The following TCF7L2 variants were observed in gnomAD, a reference collection of about 807,000 sequenced individuals.
The protein encoded by TCF7L2 is transcription factor 7 like 2, also known as transcription factor 7-like 2.
In TCF7L2, 23 loss-of-function variants were observed where a neutral mutation model predicts 77.9. The ratio of observed to expected loss-of-function variants is 0.30; its 90% CI spans 0.21 to 0.42. The LOEUF (loss-of-function observed/expected upper bound fraction) is 0.42. Among genes scored for constraint, TCF7L2 ranks in the 10% least tolerant of loss-of-function variants. TCF7L2 has a pLI of 1.00. For missense variants in TCF7L2, 654 were observed against 793.1 expected (o/e 0.82, Z 2.11); for synonymous variants, 413 against 340.2 (o/e 1.21, Z -2.36).
chr10:113,046,414 G>T (rs2053468958), intron 5 of TCF7L2, among the ~76,000 whole-genome samples: 1 of 152,224 alleles, frequency 6.6e-6, no homozygotes, highest in African/African-American at 2.4e-5. Flanking sequence ...CCTGGTGGTA[G>T]ACTGTTTCTT....
At chr10:112,961,106 C>T (rs914847458) in intron 3 of TCF7L2, among the ~76,000 whole-genome samples, 2 of 152,068 alleles carry the variant, frequency 1.3e-5, no homozygotes, top group African/African-American at 4.8e-5. Flanking sequence ...CTCCCCCTCC[C>T]GGGTTCAAGC....
chr10:113,165,664 G>A lies in TCF7L2; in HGVS notation c.1501G>A (p.Gly501Ser). Residue 501 changes from glycine to serine, a missense_variant, in exon 14 of 14, where the codon GGC becomes AGC. Transcript: ENST00000627217. ...GCCTCCCCCCTCCCCGAACCTGCTAGGCTCCCCTCCCCGAGACGCCAAGTC... is the reference window on the plus strand; with the variant it reads ...GCCTCCCCCCTCCCCGAACCTGCTAAGCTCCCCTCCCCGAGACGCCAAGTC... 6.2e-7 allele frequency: 1 copy of A among 1,608,266 alleles called. No homozygotes were observed. The highest frequency in any genetic ancestry group is 1.1e-5 in the South Asian group (1 of 90,474).
At chr10:112,972,983 A>C (rs1023275683) in intron 4 of TCF7L2, among the ~76,000 whole-genome samples, 3 of 152,218 alleles carry the variant, frequency 2.0e-5, no homozygotes, top group African/African-American at 4.8e-5. Flanking sequence ...TGCTCAAAGT[A>C]ATGCTCACAG....
chr10:113,031,879 A>G (rs1406260827), intron 4 of TCF7L2, among the ~76,000 whole-genome samples: 2 of 152,200 alleles, frequency 1.3e-5, no homozygotes, highest in Admixed American at 6.5e-5. Flanking sequence ...GGGCCTCAGA[A>G]TATCTAGTCC....
intron 5 of TCF7L2, among the ~76,000 whole-genome samples, chr10:113,084,669 C>A (rs529533670): frequency 6.6e-6 from 1 of 152,062 alleles, no homozygotes; most frequent in Non-Finnish European, 1.5e-5. Flanking sequence ...CCGAGGTGGG[C>A]GGATCACTTG....
chr10:113,101,678 T>TA (rs2061650178), intron 5 of TCF7L2, among the ~76,000 whole-genome samples: 2 of 149,180 alleles, frequency 1.3e-5, no homozygotes, highest in Non-Finnish European at 3.0e-5. Context: ...CTGTCTCTAC[T>TA]AAAAAATACA....
chr10:113,044,442 G>A (rs969189494), intron 5 of TCF7L2, among the ~76,000 whole-genome samples: 4 of 152,146 alleles, frequency 2.6e-5, no homozygotes, highest in Non-Finnish European at 5.9e-5. Context: ...GCGCTGTTTC[G>A]ATGGGATGTT....
In TCF7L2 at chr10:113,040,119, A is replaced by G. The variant is rs1178281221; in HGVS notation, c.545A>G (p.His182Arg). ...GATGCCCGGTCCCCATCACCGGCAC[A>G]CATTGTCGTAAGTAACCTCCCAGAG... Residue 182 changes from histidine to arginine, a missense_variant, in exon 5 of 14, where the codon CAC (histidine) becomes CGC (arginine). Coordinates refer to ENST00000627217, the MANE Select transcript of TCF7L2 (RefSeq NM_001146274.2). The G allele has an allele frequency of 6.2e-7, 1 of 1,613,800 alleles. No homozygotes were observed. The highest frequency in any genetic ancestry group is 8.5e-7 in the Non-Finnish European group (1 of 1,179,806).
intron 8 of TCF7L2, among the ~76,000 whole-genome samples, chr10:113,149,769 G>A (rs982234781): frequency 5.3e-5 from 8 of 151,050 alleles, no homozygotes; most frequent in Non-Finnish European, 1.0e-4. Flanking sequence ...GACTTATTAA[G>A]AAAGCAACAG....
intron 4 of TCF7L2, among the ~76,000 whole-genome samples, chr10:113,019,326 A>C (rs1198207740): frequency 6.6e-6 from 1 of 152,234 alleles, no homozygotes; most frequent in East Asian, 1.9e-4. Context: ...ACAGTAATAA[A>C]GGCAGTGACA....
chr10:113,011,917 G>A (rs1055636124), intron 4 of TCF7L2, among the ~76,000 whole-genome samples: 1 of 151,928 alleles, frequency 6.6e-6, no homozygotes, highest in Admixed American at 6.6e-5. Context: ...TATTGCTGTT[G>A]AGCATTACTA....
At chr10:112,986,820 G>T (rs2041633093) in intron 4 of TCF7L2, among the ~76,000 whole-genome samples, 2 of 152,078 alleles carry the variant, frequency 1.3e-5, no homozygotes, top group African/African-American at 4.8e-5. Context: ...TTTTCTCTGG[G>T]CATACTGGAT....
intron 4 of TCF7L2, among the ~76,000 whole-genome samples, chr10:112,969,678 T>C (rs2134826772): frequency 6.6e-6 from 1 of 152,224 alleles, no homozygotes; most frequent in Admixed American, 6.5e-5. Flanking sequence ...CAGAGGCCAA[T>C]TGCCCAAGCT....
chr10:112,961,229 G>T (rs1219328605), intron 3 of TCF7L2, among the ~76,000 whole-genome samples: 1 of 128,590 alleles, frequency 7.8e-6, no homozygotes, highest in Non-Finnish European at 1.5e-5. Context: ...TGGTCAGGCT[G>T]GTCTCGAACT....
At chr10:113,092,604 G>A (rs1275033418) in intron 5 of TCF7L2, among the ~76,000 whole-genome samples, 1 of 152,170 alleles carries the variant, frequency 6.6e-6, no homozygotes, top group Non-Finnish European at 1.5e-5. Flanking sequence ...GTGGTGGCTG[G>A]GTGTGGTGGG....
At chr10:112,957,486 A>T (rs1337076849) in intron 3 of TCF7L2, among the ~76,000 whole-genome samples, 1 of 152,142 alleles carries the variant, frequency 6.6e-6, no homozygotes, top group Non-Finnish European at 1.5e-5. Context: ...TGAAAAATGT[A>T]CTGGTATCTG....
rs564462177 is a variant in TCF7L2 at position 113,068,845 on chromosome 10, C to A, written c.552+28719C>A. Among the ~76,000 whole-genome samples the A allele has an allele frequency of 2.0e-5, 3 of 152,208 alleles. No individual in the cohort carries two copies. In the East Asian group the frequency reaches 5.8e-4, roughly 29 times the overall value. ...CTTTGGCCATTCGCATGCTGCCAGA[C>A]CCCTTCCAACTCTTGGACTCCTCCT... On this transcript the variant is annotated intron_variant, in intron 5 of 13. Transcript: ENST00000627217.
chr10:113,097,938 T>C (rs2061221634), intron 5 of TCF7L2, among the ~76,000 whole-genome samples: 1 of 149,738 alleles, frequency 6.7e-6, no homozygotes, highest in Admixed American at 6.7e-5. Flanking sequence ...TAATTCCAGC[T>C]ACTCGGGAGG....
At position 113,143,909 on chromosome 10, in the gene TCF7L2, G is replaced by C. The variant is rs771520241; in HGVS notation, c.686-14G>C. The C allele has an allele frequency of 2.9e-5, 46 of 1,607,592 alleles. No individual in the cohort carries two copies. Among genetic ancestry groups the C allele is most frequent in the Non-Finnish European group, 3.8e-5 (45 of 1,175,138 alleles). On this transcript the variant is annotated splice_polypyrimidine_tract_variant and intron_variant, in intron 6 of 13. Coordinates refer to ENST00000627217, the MANE Select transcript of TCF7L2 (RefSeq NM_001146274.2). ...CTCCCTCCTTTGTACCTAAAATGCT[G>C]CTTCTTCCCTCAGGAATCCCACGGC...
Sources: allele counts gnomAD v4.1 joint callset (sites outside exome capture counted in the v4.1 genomes callset), GRCh38; gene constraint gnomAD v4.1.1; transcripts MANE v1.5; gene names NCBI Gene and HGNC (gene_info 2026-07-23, HGNC 2026-07-21).